Variants in SGCD observed in about 807,000 individuals in gnomAD.
SGCD encodes the protein delta-sarcoglycan.
Under a neutral mutation model 36.6 loss-of-function variants are expected in SGCD, and 18 were observed. That is an observed-to-expected ratio of 0.49 (90% CI 0.34 to 0.73). The LOEUF (loss-of-function observed/expected upper bound fraction) is 0.73. Among genes scored for constraint, SGCD ranks in the 30% least tolerant of loss-of-function variants. The probability of loss-of-function intolerance (pLI) is 0.01; values close to 1 mark genes in which losing one functional copy is unlikely to be tolerated. For synonymous variants in SGCD, 133 were observed against 130.6 expected (o/e 1.02, Z -0.12); for missense variants, 387 against 346.7 (o/e 1.12, Z -0.92).
chr5:156,154,476 A>G (rs1040721487), intron 3 of SGCD, among the ~76,000 whole-genome samples: 3 of 151,758 alleles, frequency 2.0e-5, no homozygotes, highest in Non-Finnish European at 4.4e-5. Context: ...AAACAAATTC[A>G]TTTCAAAAAT....
Position 156,456,774 on chromosome 5 carries a change from T to G in SGCD, c.193-51827T>G, listed in dbSNP as rs375353930. On this transcript the variant is annotated intron_variant, in intron 3 of 8. Transcript: ENST00000337851. ...CCATAAGATTATAAATTTCCATTGT[T>G]TTAAGGCCACAAGTTGTAGGTATTT... 2.0e-4 allele frequency among the ~76,000 whole-genome samples: 31 copies of G among 152,324 alleles called. 2 individuals carry two copies. The South Asian group carries it at 6.4e-3, about 32-fold the overall frequency.
chr5:155,923,688 A>G (rs1240035065), intron 1 of SGCD, among the ~76,000 whole-genome samples: 1 of 152,242 alleles, frequency 6.6e-6, no homozygotes, highest in East Asian at 1.9e-4. Context: ...AGGGAATTGG[A>G]CAAACGGATT....
At chr5:156,653,509 G>T (rs867952469) in intron 7 of SGCD, among the ~76,000 whole-genome samples, 987 of 9,460 alleles carry the variant, frequency 0.1, 22 homozygotes, top group Non-Finnish European at 0.16. Flanking sequence ...TTTTTTTTTT[G>T]CCCCTGTTGT....
At position 156,343,062 on chromosome 5, in the gene SGCD, C is replaced by T. The variant is rs182460156; in HGVS notation, c.4-1427C>T. Among the ~76,000 whole-genome samples the T allele has an allele frequency of 2.7e-3, 412 of 151,746 alleles. 2 individuals carry two copies. Among genetic ancestry groups the T allele is most frequent in the Admixed American group, 4.7e-3 (71 of 15,250 alleles). The stretch of plus-strand genomic sequence containing the variant: ...CTGATGCCTAACGGCCATGAGTTCT[C>T]TAGGGGATTTTTAGATTTTATGTGT... On this transcript the variant is annotated intron_variant, in intron 2 of 8. Coordinates refer to ENST00000337851, the MANE Select transcript of SGCD (RefSeq NM_000337.6).
At chr5:155,890,450 C>T (rs561979089) in intron 1 of SGCD, among the ~76,000 whole-genome samples, 1 of 151,924 alleles carries the variant, frequency 6.6e-6, no homozygotes. Context: ...CATGGTGGAA[C>T]CTTACCTCTA....
At chr5:156,408,282 A>G (rs942930113) in intron 3 of SGCD, among the ~76,000 whole-genome samples, 9 of 152,164 alleles carry the variant, frequency 5.9e-5, no homozygotes, top group Non-Finnish European at 7.4e-5. Context: ...ACATGTGCGT[A>G]CAGGATGTGT....
At chr5:155,897,895 C>T (rs1294407420) in intron 1 of SGCD, among the ~76,000 whole-genome samples, 1 of 152,160 alleles carries the variant, frequency 6.6e-6, no homozygotes, top group Non-Finnish European at 1.5e-5. Context: ...GTTCCTTCTA[C>T]ACTGTAAGTT....
intron 1 of SGCD, among the ~76,000 whole-genome samples, chr5:156,068,041 T>G (rs1760387331): frequency 6.6e-6 from 1 of 151,926 alleles, no homozygotes; most frequent in African/African-American, 2.4e-5. Context: ...CCAACAGTCT[T>G]CACTGTTCAA....
intron 1 of SGCD, among the ~76,000 whole-genome samples, chr5:155,974,644 A>C (rs900139416): frequency 6.6e-6 from 1 of 151,856 alleles, no homozygotes; most frequent in Non-Finnish European, 1.5e-5. Flanking sequence ...CCCAGACATC[A>C]TAGGTGGGGA....
the SGCD span, among the ~76,000 whole-genome samples, chr5:155,841,470 C>A: frequency 2.0e-5 from 3 of 152,116 alleles, no homozygotes; most frequent in Non-Finnish European, 4.4e-5. Flanking sequence ...TTATATTTCT[C>A]TTATTATGAG....
chr5:155,789,560 G>A, the SGCD span, among the ~76,000 whole-genome samples: 7 of 152,016 alleles, frequency 4.6e-5, no homozygotes, highest in Non-Finnish European at 8.8e-5. Flanking sequence ...AAAATAATTT[G>A]TAATTATAAT....
At chr5:156,732,702 C>G (rs1364079949) in intron 7 of SGCD, among the ~76,000 whole-genome samples, 1 of 152,088 alleles carries the variant, frequency 6.6e-6, no homozygotes, top group Non-Finnish European at 1.5e-5. Flanking sequence ...TAGAATTCAG[C>G]TGTGAATCTG....
At position 156,604,655 on chromosome 5, in the gene SGCD, C is replaced by A. The variant is rs1295388766; in HGVS notation, c.502+9604C>A. Among the ~76,000 whole-genome samples, 5 of 141,854 alleles carry A rather than the reference C, an allele frequency of 3.5e-5. No individual in the cohort carries two copies. The East Asian group carries it at 1.0e-3, about 29-fold the overall frequency. 93.1% of individuals were successfully genotyped at this position (141,854 alleles called of 152,430 possible). A position where few individuals can be genotyped will look rare whatever the true frequency, so the allele number is the denominator to read the frequency against. On this transcript the variant is annotated intron_variant, in intron 6 of 8. Coordinates refer to ENST00000337851, the MANE Select transcript of SGCD (RefSeq NM_000337.6). ...AATTTATATTTTTGATATTTTCTTG[C>A]CTGAAAACATATATTTAAATTAGTA...
chr5:156,372,365 G>A (rs977457794), intron 3 of SGCD, among the ~76,000 whole-genome samples: 22 of 152,118 alleles, frequency 1.4e-4, no homozygotes, highest in African/African-American at 4.8e-4. Context: ...AATAAGAGAT[G>A]GCCTGTAGTC....
intron 1 of SGCD, among the ~76,000 whole-genome samples, chr5:155,895,021 G>C (rs1756216326): frequency 6.6e-6 from 1 of 152,158 alleles, no homozygotes; most frequent in African/African-American, 2.4e-5. Flanking sequence ...ACTGCAGTGT[G>C]GGTTCACCAT....
chr5:156,206,134 C>A (rs1764272771), intron 3 of SGCD, among the ~76,000 whole-genome samples: 1 of 151,160 alleles, frequency 6.6e-6, no homozygotes, highest in African/African-American at 2.4e-5. Flanking sequence ...TTATTTTATA[C>A]CTTGGTGTTT....
At chr5:156,345,625 A>C (rs1436534746) in intron 3 of SGCD, among the ~76,000 whole-genome samples, 1 of 152,196 alleles carries the variant, frequency 6.6e-6, no homozygotes, top group Non-Finnish European at 1.5e-5. Flanking sequence ...CAGGAGTTCA[A>C]GATCAGCCTG....
At chr5:156,302,193 C>T (rs1431987185) in intron 3 of SGCD, among the ~76,000 whole-genome samples, 1 of 151,862 alleles carries the variant, frequency 6.6e-6, no homozygotes, top group Non-Finnish European at 1.5e-5. Flanking sequence ...ATGCTTCATT[C>T]CTTTTTATTC....
chr5:156,350,150 G>A (rs538078679), intron 3 of SGCD, among the ~76,000 whole-genome samples: 1 of 150,808 alleles, frequency 6.6e-6, no homozygotes, highest in South Asian at 2.1e-4. Flanking sequence ...TACAGTACTC[G>A]GTGGTGGGTA....
Sources: gnomAD v4.1 joint callset for allele counts (sites outside exome capture counted in the v4.1 genomes callset) on GRCh38, gnomAD v4.1.1 for gene constraint, MANE v1.5 for transcripts, NCBI Gene and HGNC (gene_info 2026-07-23, HGNC 2026-07-21) for gene names.